Variants in PRSS12 observed in about 807,000 individuals in gnomAD.
PRSS12 encodes neurotrypsin.
A neutral mutation model predicts 104.4 loss-of-function variants in PRSS12; 85 were observed. The observed-to-expected ratio is 0.81, with a 90% CI of 0.68 to 0.98. PRSS12 has a LOEUF of 0.98. Among genes scored for constraint, PRSS12 ranks in the 50% least tolerant of loss-of-function variants. The pLI is 0.00. For synonymous variants in PRSS12, 454 were observed against 425.2 expected (o/e 1.07, Z -0.83); for missense variants, 1,141 against 1,139.2 (o/e 1.00, Z -0.02).
At chr4:118,301,718 T>C (rs1038781887) in intron 8 of PRSS12, among the ~76,000 whole-genome samples, 1 of 152,176 alleles carries the variant, frequency 6.6e-6, no homozygotes, top group Non-Finnish European at 1.5e-5. Context: ...TTGTTGTTAG[T>C]TTTTGTAACT....
intron 7 of PRSS12, among the ~76,000 whole-genome samples, chr4:118,312,514 A>G (rs368175369): frequency 2.6e-5 from 4 of 152,212 alleles, no homozygotes; most frequent in African/African-American, 9.6e-5. Context: ...AAATTTATCA[A>G]GAATGTTTAA....
At chr4:118,327,693 T>C (rs1445482631) in intron 4 of PRSS12, among the ~76,000 whole-genome samples, 1 of 152,198 alleles carries the variant, frequency 6.6e-6, no homozygotes, top group Non-Finnish European at 1.5e-5. Context: ...GCTTTTAATG[T>C]TAAGCACATA....
In PRSS12 at chr4:118,327,755, G is replaced by A. The variant is rs528805947; in HGVS notation, c.971+3961C>T. ...CAACTAAACTTCACTGGGTACATAT[G>A]CGTTCTCAAGTTATCTAATTTTCTA... On this transcript the variant is annotated intron_variant, in intron 4 of 12. Coordinates refer to ENST00000296498, the MANE Select transcript of PRSS12 (RefSeq NM_003619.4). Among the ~76,000 whole-genome samples the A allele has an allele frequency of 1.3e-4, 20 of 152,272 alleles. No individual in the cohort carries two copies. In the East Asian group the frequency reaches 2.3e-3, roughly 18 times the overall value.
At chr4:118,342,846 A>C (rs1724251601) in intron 1 of PRSS12, among the ~76,000 whole-genome samples, 1 of 152,226 alleles carries the variant, frequency 6.6e-6, no homozygotes, top group Non-Finnish European at 1.5e-5. Context: ...ATAGTTTACA[A>C]CTGTTTTCCT....
intron 11 of PRSS12, among the ~76,000 whole-genome samples, chr4:118,283,675 G>T (rs974929501): frequency 6.6e-6 from 1 of 152,116 alleles, no homozygotes; most frequent in Admixed American, 6.5e-5. Flanking sequence ...TCACCTCAAT[G>T]AAGCCTACTT....
intron 5 of PRSS12, among the ~76,000 whole-genome samples, chr4:118,316,601 C>T (rs1484609832): frequency 6.6e-6 from 1 of 151,918 alleles, no homozygotes; most frequent in African/African-American, 2.4e-5. Flanking sequence ...GCAGGTGGAT[C>T]ACCTGAGGTC....
At chr4:118,329,799 T>C (rs1723871701) in intron 4 of PRSS12, among the ~76,000 whole-genome samples, 1 of 152,140 alleles carries the variant, frequency 6.6e-6, no homozygotes, top group South Asian at 2.1e-4. Flanking sequence ...AACTAAGAGA[T>C]ATTCTGTAGC....
chr4:118,334,983 G>A (rs2126041546), intron 3 of PRSS12, among the ~76,000 whole-genome samples: 1 of 152,204 alleles, frequency 6.6e-6, no homozygotes, highest in South Asian at 2.1e-4. Flanking sequence ...GAACTTGGAA[G>A]AAGCCCTCAT....
intron 6 of PRSS12, among the ~76,000 whole-genome samples, chr4:118,314,306 CTTCT>C (rs1312839838): frequency 1.5e-5 from 2 of 135,978 alleles, no homozygotes; most frequent in East Asian, 5.4e-4. Context: ...CATGAATTTT[CTTCT>C]TTTTTTATGC....
Position 118,282,897 on chromosome 4 carries a change from G to A in PRSS12, c.2254C>T (p.Pro752Ser). The A allele has an allele frequency of 6.2e-7, 1 of 1,614,158 alleles. No homozygotes were observed. Among genetic ancestry groups the A allele is most frequent in the Non-Finnish European group, 8.5e-7 (1 of 1,180,030 alleles). The part of the protein sequence containing the change: ...FSSHVLPACL[P>S]LWRERPQKTA... ...TTCTGTGGCCTCTCTCTCCAGAGTG[G>A]TAAACAGGCTGGCAAAACATGGCTG... Residue 752 changes from proline to serine, a missense_variant, in exon 12 of 13, where the codon CCA (proline) becomes TCA (serine). Physicochemically the swap from Pro to Ser is moderately conservative, Grantham distance 74 (BLOSUM62 -1). Coordinates refer to ENST00000296498, the MANE Select transcript of PRSS12 (RefSeq NM_003619.4).
chr4:118,280,145 ATTC>A lies in PRSS12; in HGVS notation c.*1788_*1790del, dbSNP rs1167704297. 36 of 152,372 alleles carry A rather than the reference ATTC, an allele frequency of 2.4e-4. No homozygotes were observed. Among genetic ancestry groups the A allele is most frequent in the Middle Eastern group, 3.4e-3 (1 of 294 alleles). 9.4% of individuals were successfully genotyped at this position (152,372 alleles called of 1,614,324 possible). A position where few individuals can be genotyped will look rare whatever the true frequency, so the allele number is the denominator to read the frequency against. On this transcript the variant is annotated 3_prime_UTR_variant, in exon 13 of 13. Transcript: ENST00000296498. ...TAAAAGCATGTTGTATGAACCATGT[ATTC>A]TTAAGGATTGAGCAAACTGCAGGCT...
chr4:118,282,693 A>G (rs115995025), intron 12 of PRSS12, 138 bp downstream of exon 12: 5 of 1,125,696 alleles, frequency 4.4e-6, no homozygotes, highest in Non-Finnish European at 5.3e-6. Context: ...TCTCAATTAC[A>G]TGCATGCATT....
intron 12 of PRSS12, 88 bp from the exon 13 acceptor site, chr4:118,282,331 A>G: frequency 6.5e-7 from 1 of 1,528,302 alleles, no homozygotes; most frequent in Middle Eastern, 2.0e-4. Flanking sequence ...TTATGAAAAT[A>G]AAATCCCTGT....
intron 1 of PRSS12, among the ~76,000 whole-genome samples, chr4:118,346,386 A>C (rs998509635): frequency 1.7e-5 from 2 of 119,230 alleles, no homozygotes; most frequent in African/African-American, 2.6e-5. Context: ...CTTTATTTTC[A>C]CAGTCATAAT....
At chr4:118,287,438 C>T (rs1743039233) in intron 11 of PRSS12, among the ~76,000 whole-genome samples, 1 of 152,176 alleles carries the variant, frequency 6.6e-6, no homozygotes, top group African/African-American at 2.4e-5. Flanking sequence ...GTACTGCACC[C>T]GGCCAAGTAC....
At chr4:118,325,241 G>A (rs13102483) in intron 4 of PRSS12, among the ~76,000 whole-genome samples, 7,467 of 151,362 alleles carry the variant, frequency 0.049, 326 homozygotes, top group Middle Eastern at 0.082. Context: ...GCTACTGCGG[G>A]ATGAGAGACG....
chr4:118,318,994 T>C (rs1445042105), intron 4 of PRSS12, among the ~76,000 whole-genome samples: 2 of 152,184 alleles, frequency 1.3e-5, no homozygotes, highest in East Asian at 1.9e-4. Flanking sequence ...CTACCATCCA[T>C]CTCCAGAACT....
In PRSS12 at chr4:118,303,194, C is replaced by T. The variant is rs983447052; in HGVS notation, c.1632-4256G>A. 4.7e-5 allele frequency: 7 copies of T among 150,514 alleles called. No homozygotes were observed. In the East Asian group the frequency reaches 1.4e-3, roughly 30 times the overall value. The allele number at this position is 150,514 out of a possible 1,614,324, so 9.3% of individuals were successfully genotyped here. A position where few individuals can be genotyped will look rare whatever the true frequency, so the allele number is the denominator to read the frequency against. ...CAATAAGAATGTTGAATTTCTAGAC[C>T]ACTGAGAAAAGATGAAAATTGAAAA... On this transcript the variant is annotated intron_variant, in intron 8 of 12. Transcript: ENST00000296498.
intron 11 of PRSS12, among the ~76,000 whole-genome samples, chr4:118,294,522 A>G (rs530311202): frequency 1.3e-5 from 2 of 152,204 alleles, no homozygotes. Flanking sequence ...AACATATGCA[A>G]CCTTTCTCAA....
Sources: gnomAD v4.1 joint callset for allele counts (sites outside exome capture counted in the v4.1 genomes callset) on GRCh38, gnomAD v4.1.1 for gene constraint, MANE v1.5 for transcripts, NCBI Gene and HGNC (gene_info 2026-07-23, HGNC 2026-07-21) for gene names.